Variants in CHCHD3 observed in about 807,000 individuals in gnomAD.
CHCHD3 encodes coiled-coil-helix-coiled-coil-helix domain containing 3.
A neutral mutation model predicts 38.2 loss-of-function variants in CHCHD3; 20 were observed. The ratio of observed to expected loss-of-function variants is 0.52; its 90% CI spans 0.37 to 0.76. The LOEUF is 0.76. CHCHD3 is among the 30% of genes least tolerant of loss of function. CHCHD3 has a pLI of 0.00. For missense variants in CHCHD3, 245 were observed against 279.2 expected, an observed-to-expected ratio of 0.88 and a Z score of 0.87; for synonymous variants, 82 against 100.0, an observed-to-expected ratio of 0.82 and a Z score of 1.07.
At chr7:132,970,613 T>C (rs561484190) in intron 4 of CHCHD3, among the ~76,000 whole-genome samples, 1 of 152,208 alleles carries the variant, frequency 6.6e-6, no homozygotes, top group Non-Finnish European at 1.5e-5. Flanking sequence ...AAGGACAAGA[T>C]TTTGTCTTTT....
At chr7:132,974,898 A>G (rs1811720761) in intron 4 of CHCHD3, among the ~76,000 whole-genome samples, 1 of 152,262 alleles carries the variant, frequency 6.6e-6, no homozygotes, top group Non-Finnish European at 1.5e-5. Context: ...AAGAAAAAGA[A>G]AAAAAAGCAG....
At chr7:133,034,508 C>CTTTTTTTT (rs146912120) in intron 2 of CHCHD3, 64 of 285,160 alleles carry the variant, frequency 2.2e-4, no homozygotes, top group South Asian at 3.3e-4. Context: ...TGGATCCAGT[C>CTTTTTTTT]TTTTTTTTTT....
chr7:133,024,830 A>T (rs1813292194), intron 2 of CHCHD3, among the ~76,000 whole-genome samples: 1 of 152,184 alleles, frequency 6.6e-6, no homozygotes, highest in Non-Finnish European at 1.5e-5. Context: ...AGAGTTCCCT[A>T]GTGACCTAGA....
intron 2 of CHCHD3, among the ~76,000 whole-genome samples, chr7:133,058,540 G>A (rs1814408122): frequency 6.6e-6 from 1 of 152,098 alleles, no homozygotes; most frequent in Non-Finnish European, 1.5e-5. Flanking sequence ...ATGTTTTTGG[G>A]GGAGCTGTTG....
intron 2 of CHCHD3, among the ~76,000 whole-genome samples, chr7:133,067,204 C>T (rs1562953041): frequency 1.3e-5 from 2 of 152,158 alleles, no homozygotes; most frequent in Admixed American, 1.3e-4. Flanking sequence ...TTTTAAGTGT[C>T]ATCTATCATT....
rs374636231 is a variant in CHCHD3, at chr7:132,933,806, CAGA to C, written c.369+41360_369+41362del. 7.3e-3 allele frequency among the ~76,000 whole-genome samples: 1,105 copies of C among 152,304 alleles called. 7 individuals carry two copies. The highest frequency in any genetic ancestry group is 0.017 in the African/African-American group (709 of 41,560). The stretch of plus-strand genomic sequence containing the variant: ...TGGCAAAAGGGCTCTCATGTCTGAG[CAGA>C]AGAAGAGACAATGTGCCAGGTCCTG... On this transcript the variant is annotated intron_variant, in intron 4 of 7. Transcript: ENST00000262570.
intron 2 of CHCHD3, among the ~76,000 whole-genome samples, chr7:133,037,699 G>C (rs1196142774): frequency 1.3e-5 from 2 of 152,186 alleles, no homozygotes; most frequent in Admixed American, 1.3e-4. Context: ...TGTAGTCTCA[G>C]CTACTAGGGA....
intron 5 of CHCHD3, among the ~76,000 whole-genome samples, chr7:132,852,570 T>C (rs1387458179): frequency 1.3e-5 from 2 of 152,192 alleles, no homozygotes; most frequent in Non-Finnish European, 2.9e-5. Flanking sequence ...TCAGAAGACC[T>C]TGAATTATTA....
chr7:132,838,179 T>C (rs1421899667), intron 6 of CHCHD3, among the ~76,000 whole-genome samples: 1 of 152,184 alleles, frequency 6.6e-6, no homozygotes, highest in Non-Finnish European at 1.5e-5. Flanking sequence ...CCCTAGTTCA[T>C]AAAATACATG....
Position 133,035,229 on chromosome 7 carries a change from G to T in CHCHD3, c.170-10602C>A. On this transcript the variant is annotated intron_variant, in intron 2 of 7. Coordinates refer to ENST00000262570, the MANE Select transcript of CHCHD3 (RefSeq NM_017812.4). The surrounding 1 kb of genome is among the most constrained non-coding windows in gnomAD (Gnocchi z 4.7). Reference sequence around the variant, plus strand: ...TTCCCGTGAACCCTTCTCTTTCCGTGGTGTGTCCTTTTTAGGCTGGGTCTC... The same window carrying T: ...TTCCCGTGAACCCTTCTCTTTCCGTTGTGTGTCCTTTTTAGGCTGGGTCTC... The T allele has an allele frequency of 2.5e-6, 4 of 1,613,648 alleles. No individual in the cohort carries two copies. Among genetic ancestry groups the T allele is most frequent in the Non-Finnish European group, 2.5e-6 (3 of 1,179,714 alleles).
intron 6 of CHCHD3, among the ~76,000 whole-genome samples, chr7:132,833,592 C>T (rs1157372417): frequency 1.3e-5 from 2 of 152,120 alleles, no homozygotes; most frequent in African/African-American, 2.4e-5. Flanking sequence ...AAGATCCTGG[C>T]CTGTTTTCTT....
At chr7:132,817,915 A>AAAAG (rs1179257099) in intron 6 of CHCHD3, among the ~76,000 whole-genome samples, 11 of 151,992 alleles carry the variant, frequency 7.2e-5, no homozygotes, top group South Asian at 4.1e-4. Context: ...AAATAAAAAT[A>AAAAG]AAAGAAAGAA....
intron 4 of CHCHD3, among the ~76,000 whole-genome samples, chr7:132,902,041 T>G (rs1809682949): frequency 1.3e-5 from 2 of 152,222 alleles, no homozygotes; most frequent in South Asian, 4.1e-4. Flanking sequence ...TTCAGCTTTC[T>G]ACATATGGCT....
At chr7:132,934,912 T>C (rs548707419) in intron 4 of CHCHD3, among the ~76,000 whole-genome samples, 1 of 152,272 alleles carries the variant, frequency 6.6e-6, no homozygotes, top group Non-Finnish European at 1.5e-5. Flanking sequence ...CCGCACAATA[T>C]GGAAAAGATA....
At chr7:132,917,634 A>T (rs958021962) in intron 4 of CHCHD3, among the ~76,000 whole-genome samples, 1 of 152,104 alleles carries the variant, frequency 6.6e-6, no homozygotes, top group East Asian at 1.9e-4. Context: ...TGAGGCGGGC[A>T]GATCACGAGG....
intron 4 of CHCHD3, among the ~76,000 whole-genome samples, chr7:132,964,028 T>C (rs1811396653): frequency 6.6e-6 from 1 of 152,216 alleles, no homozygotes; most frequent in Non-Finnish European, 1.5e-5. Context: ...TATTCAGAGC[T>C]TGGCTTTACA....
Position 133,054,821 on chromosome 7 carries a change from G to A in CHCHD3, c.169+15321C>T, listed in dbSNP as rs140167556. 1.1e-3 allele frequency among the ~76,000 whole-genome samples: 170 copies of A among 152,226 alleles called. 1 individual carries two copies. The highest frequency in any genetic ancestry group is 4.0e-3 in the African/African-American group (165 of 41,530). ...TGCTTTCATCAAACATGTTTTTGAA[G>A]TGGAAAGTATTCTGAAGAAGCTGGG... is the stretch of plus-strand genomic sequence containing the variant. On this transcript the variant is annotated intron_variant, in intron 2 of 7. Transcript: ENST00000262570.
Position 133,000,974 on chromosome 7 carries a change from A to G in CHCHD3, c.251+23572T>C, listed in dbSNP as rs1187659251. Among the ~76,000 whole-genome samples, 3 of 152,298 alleles carry G rather than the reference A, an allele frequency of 2.0e-5. No homozygotes were observed. The East Asian group carries it at 5.8e-4, about 29-fold the overall frequency. On this transcript the variant is annotated intron_variant, in intron 3 of 7. Transcript: ENST00000262570. ...TTCTATTCCAAAACTTCAAAGCAAT[A>G]CAGAGGTACATGTTACAACTTCTCA...
intron 4 of CHCHD3, among the ~76,000 whole-genome samples, chr7:132,889,925 A>C (rs556550372): frequency 6.6e-5 from 10 of 152,202 alleles, no homozygotes; most frequent in African/African-American, 1.7e-4. Flanking sequence ...AACAAATAAA[A>C]ACAAAGAGGA....
Sources: allele counts gnomAD v4.1 joint callset (sites outside exome capture counted in the v4.1 genomes callset), GRCh38; gene constraint gnomAD v4.1.1; non-coding constraint Gnocchi (gnomAD v3.1); transcripts MANE v1.5; gene names NCBI Gene and HGNC (gene_info 2026-07-23, HGNC 2026-07-21).